The following EFNA5 variants were observed in gnomAD, a reference collection of about 807,000 sequenced individuals.
The protein encoded by EFNA5 is ephrin-A5.
A neutral mutation model predicts 22.9 loss-of-function variants in EFNA5; 5 were observed. The observed-to-expected ratio is 0.22, with a 90% CI of 0.11 to 0.46. EFNA5 has a LOEUF of 0.46. Ranked by LOEUF, EFNA5 falls within the 20% of genes least tolerant of loss-of-function variation. EFNA5 has a pLI of 0.99. For synonymous variants in EFNA5, 113 were observed against 112.2 expected (o/e 1.01, Z -0.04); for missense variants, 237 against 293.3 (o/e 0.81, Z 1.40).
At chr5:107,640,538 C>T (rs35007248) in intron 1 of EFNA5, among the ~76,000 whole-genome samples, 127 of 152,286 alleles carry the variant, frequency 8.3e-4, no homozygotes, top group Non-Finnish European at 1.4e-3. Flanking sequence ...TTTGGAAGTA[C>T]AGTTTGTTTA....
intron 2 of EFNA5, chr5:107,426,892 C>T (rs1314211239): frequency 3.0e-5 from 8 of 268,078 alleles, no homozygotes; most frequent in Non-Finnish European, 5.0e-5. Context: ...TTAATTATTT[C>T]CTTTAATTTT....
chr5:107,557,759 T>C (rs1268148521), intron 1 of EFNA5, among the ~76,000 whole-genome samples: 3 of 152,240 alleles, frequency 2.0e-5, no homozygotes, highest in South Asian at 2.1e-4. Context: ...AGCTTGTATA[T>C]ACAAAGTTTT....
At chr5:107,430,711 G>T (rs1748925733) in intron 1 of EFNA5, among the ~76,000 whole-genome samples, 1 of 151,224 alleles carries the variant, frequency 6.6e-6, no homozygotes, top group Admixed American at 6.6e-5. Context: ...GGAGTGTTAA[G>T]TGAATTACGG....
In EFNA5 at chr5:107,471,335, T is replaced by A. The variant is rs575739904; in HGVS notation, c.126-43826A>T. On this transcript the variant is annotated intron_variant, in intron 1 of 4. Transcript: ENST00000333274. ...CCCTCACTCCTCCACTGGGCTTTCT[T>A]CAGTGGTTAAGTTCTGTTAAGCTTT... 2.0e-5 allele frequency among the ~76,000 whole-genome samples: 3 copies of A among 152,288 alleles called. No individual in the cohort carries two copies. In the South Asian group the frequency reaches 6.2e-4, roughly 32 times the overall value.
In EFNA5 at chr5:107,569,429, G is replaced by GTATA. The variant is rs1257415667; in HGVS notation, c.125+101056_125+101059dup. On this transcript the variant is annotated intron_variant, in intron 1 of 4. Transcript: ENST00000333274. ...TATATATATATTTATGTATATGTGTGTATATATATATTTATATATGTGTGT... is the reference window on the plus strand; with the variant it reads ...TATATATATATTTATGTATATGTGTGTATATATATATATATTTATATATGTGTGT... Among the ~76,000 whole-genome samples the GTATA allele has an allele frequency of 3.5e-3, 474 of 133,822 alleles. 2 individuals carry two copies. The highest frequency in any genetic ancestry group is 0.011 in the African/African-American group (356 of 33,048). The allele number at this position is 133,822 out of a possible 152,430, so 87.8% of individuals were successfully genotyped here. A position where few individuals can be genotyped will look rare whatever the true frequency, so the allele number is the denominator to read the frequency against.
At chr5:107,598,261 T>C (rs1439636586) in intron 1 of EFNA5, among the ~76,000 whole-genome samples, 1 of 152,088 alleles carries the variant, frequency 6.6e-6, no homozygotes, top group Non-Finnish European at 1.5e-5. Flanking sequence ...TCAGAGGAGT[T>C]AAATAATTTT....
intron 2 of EFNA5, among the ~76,000 whole-genome samples, chr5:107,417,895 A>T (rs2112410133): frequency 6.6e-6 from 1 of 152,348 alleles, no homozygotes; most frequent in South Asian, 2.1e-4. Context: ...GTGAAAATAG[A>T]GCAAGAATAG....
intron 1 of EFNA5, among the ~76,000 whole-genome samples, chr5:107,654,805 A>G (rs1157956499): frequency 6.6e-6 from 1 of 152,168 alleles, no homozygotes; most frequent in East Asian, 1.9e-4. Context: ...ATAATGAGGT[A>G]AAAGGTGATG....
chr5:107,645,610 T>A (rs999093996), intron 1 of EFNA5, among the ~76,000 whole-genome samples: 1 of 152,218 alleles, frequency 6.6e-6, no homozygotes, highest in African/African-American at 2.4e-5. Flanking sequence ...GATTCTCACT[T>A]CAGAAAGATT....
At chr5:107,633,696 A>T (rs1750309794) in intron 1 of EFNA5, among the ~76,000 whole-genome samples, 1 of 152,166 alleles carries the variant, frequency 6.6e-6, no homozygotes, top group South Asian at 2.1e-4. Flanking sequence ...TGAAGGTCTG[A>T]ATGTCCCAGA....
At chr5:107,501,376 A>G (rs1747130985) in intron 1 of EFNA5, among the ~76,000 whole-genome samples, 1 of 152,188 alleles carries the variant, frequency 6.6e-6, no homozygotes, top group South Asian at 2.1e-4. Context: ...CTGTGTAACA[A>G]TCATTATGTG....
chr5:107,567,791 GGGGTGTGGCACT>G (rs1481477900), intron 1 of EFNA5, among the ~76,000 whole-genome samples: 3 of 152,250 alleles, frequency 2.0e-5, no homozygotes, highest in African/African-American at 7.2e-5. Flanking sequence ...AAGAAATTAA[GGGGTGTGGCACT>G]GGGCACTGGA....
At chr5:107,583,864 A>G (rs1197188665) in intron 1 of EFNA5, among the ~76,000 whole-genome samples, 1 of 152,170 alleles carries the variant, frequency 6.6e-6, no homozygotes, top group Non-Finnish European at 1.5e-5. Flanking sequence ...CCAACTGTGG[A>G]AGACACCCAG....
chr5:107,464,559 A>G (rs1009843124), intron 1 of EFNA5, among the ~76,000 whole-genome samples: 1 of 152,164 alleles, frequency 6.6e-6, no homozygotes, highest in Non-Finnish European at 1.5e-5. Context: ...TCTCTGCTGC[A>G]CTGCTCCTTC....
chr5:107,464,287 C>G (rs1388951993), intron 1 of EFNA5, among the ~76,000 whole-genome samples: 1 of 152,104 alleles, frequency 6.6e-6, no homozygotes, highest in Admixed American at 6.5e-5. Context: ...GAATATCCCT[C>G]CAATCTTCAC....
intron 1 of EFNA5, among the ~76,000 whole-genome samples, chr5:107,482,519 A>C (rs994058958): frequency 6.6e-6 from 1 of 152,022 alleles, no homozygotes; most frequent in Non-Finnish European, 1.5e-5. Flanking sequence ...CTCAGATAAG[A>C]CCCAGATCTT....
At chr5:107,514,934 A>C (rs1164439467) in intron 1 of EFNA5, among the ~76,000 whole-genome samples, 1 of 152,170 alleles carries the variant, frequency 6.6e-6, no homozygotes, top group African/African-American at 2.4e-5. Context: ...AACAGCCCCA[A>C]ATCATTTTCT....
intron 1 of EFNA5, among the ~76,000 whole-genome samples, chr5:107,599,130 G>A (rs1048585439): frequency 1.3e-5 from 2 of 152,198 alleles, no homozygotes; most frequent in African/African-American, 4.8e-5. Context: ...ATAAAGATCA[G>A]TAGACACATA....
At chr5:107,613,443 C>T (rs1043781722) in intron 1 of EFNA5, among the ~76,000 whole-genome samples, 3 of 151,896 alleles carry the variant, frequency 2.0e-5, no homozygotes, top group Non-Finnish European at 4.4e-5. Flanking sequence ...ATGAAAACAC[C>T]AAAACCCCGT....
Sources: allele counts gnomAD v4.1 joint callset (sites outside exome capture counted in the v4.1 genomes callset), GRCh38; gene constraint gnomAD v4.1.1; transcripts MANE v1.5; gene names NCBI Gene and HGNC (gene_info 2026-07-23, HGNC 2026-07-21).